Variants in PIK3C3 observed in about 807,000 individuals in gnomAD.
The protein encoded by PIK3C3 is phosphatidylinositol 3-kinase catalytic subunit type 3.
PIK3C3 carries 95 observed loss-of-function variants against 126.1 expected under a neutral mutation model. The ratio of observed to expected loss-of-function variants is 0.75; its 90% CI spans 0.64 to 0.89. The LOEUF is 0.89. Among genes scored for constraint, PIK3C3 ranks in the 40% least tolerant of loss-of-function variants. The probability of loss-of-function intolerance (pLI) is 0.00; values close to 1 mark genes in which losing one functional copy is unlikely to be tolerated. For missense variants in PIK3C3, 829 were observed against 1,063.2 expected, an observed-to-expected ratio of 0.78 and a Z score of 3.06; for synonymous variants, 374 against 360.0, an observed-to-expected ratio of 1.04 and a Z score of -0.44.
intron 4 of PIK3C3, among the ~76,000 whole-genome samples, chr18:41,971,771 AT>A (rs1291447908): frequency 1.3e-5 from 2 of 152,022 alleles, no homozygotes; most frequent in African/African-American, 4.8e-5. Flanking sequence ...AAAGAATAAT[AT>A]TTTTAAAAAA....
chr18:42,070,146 A>G (rs1456689350), intron 24 of PIK3C3, among the ~76,000 whole-genome samples: 4 of 152,200 alleles, frequency 2.6e-5, no homozygotes, highest in Non-Finnish European at 5.9e-5. Flanking sequence ...CTGCTGCTCT[A>G]CAGCATGGTG....
Position 42,035,279 on chromosome 18 carries a change from A to G in PIK3C3, c.1839+1322A>G, listed in dbSNP as rs540932837. Among the ~76,000 whole-genome samples the G allele has an allele frequency of 1.7e-3, 258 of 152,330 alleles. 3 individuals are homozygous for G. Among genetic ancestry groups the G allele is most frequent in the African/African-American group, 5.5e-3 (229 of 41,578 alleles). On this transcript the variant is annotated intron_variant, in intron 16 of 24. Transcript: ENST00000262039. The stretch of plus-strand genomic sequence containing the variant: ...TGGGCTAGAACTCCCAAAGAAGACC[A>G]GCTTCTAATATTCTTGAACACTAAG...
intron 10 of PIK3C3, among the ~76,000 whole-genome samples, chr18:42,010,941 T>A (rs1982793785): frequency 2.6e-5 from 4 of 152,220 alleles, no homozygotes; most frequent in Admixed American, 2.0e-4. Flanking sequence ...TTAGCAGGAA[T>A]GTAAATGGCA....
chr18:42,074,168 G>T (rs1985887303), intron 24 of PIK3C3, among the ~76,000 whole-genome samples: 1 of 152,064 alleles, frequency 6.6e-6, no homozygotes, highest in South Asian at 2.1e-4. Context: ...TACAACCCTA[G>T]TCTGTTAGTC....
intron 3 of PIK3C3, among the ~76,000 whole-genome samples, chr18:41,967,830 G>A (rs1980448197): frequency 1.3e-5 from 2 of 152,174 alleles, no homozygotes; most frequent in Non-Finnish European, 2.9e-5. Context: ...CAAGGCAGTT[G>A]GTGCTGTAGT....
At position 42,087,335 on chromosome 18, in the gene PIK3C3, G is replaced by GGTTGCATCATGTATGAC. The variant is rs1986419153; in HGVS notation, c.*6202_*6218dup. On this transcript the variant is annotated 3_prime_UTR_variant, in exon 25 of 25. Transcript: ENST00000262039. ...CGGTTTGAGGAGGTGGTTTCTGATT[G>GGTTGCATCATGTATGAC]GTTGCATCATGTATGACGTTTGCAA... The GGTTGCATCATGTATGAC allele has an allele frequency of 6.6e-6, 1 of 152,170 alleles. No individual in the cohort carries two copies. The highest frequency in any genetic ancestry group is 1.5e-5 in the Non-Finnish European group (1 of 68,068). 9.4% of individuals were successfully genotyped at this position (152,170 alleles called of 1,614,324 possible). A position where few individuals can be genotyped will look rare whatever the true frequency, so the allele number is the denominator to read the frequency against.
At chr18:41,960,750 C>CTT (rs796506046) in intron 2 of PIK3C3, among the ~76,000 whole-genome samples, 7 of 145,620 alleles carry the variant, frequency 4.8e-5, no homozygotes, top group African/African-American at 1.5e-4. Context: ...TTTCTTTTTT[C>CTT]TTTTTTTTTT....
chr18:42,019,972 T>C (rs973316277), intron 12 of PIK3C3, among the ~76,000 whole-genome samples: 4 of 152,036 alleles, frequency 2.6e-5, no homozygotes, highest in South Asian at 2.1e-4. Flanking sequence ...ATATTTCTTA[T>C]ATTTGTCTCC....
chr18:42,067,581 C>T (rs1478213255), intron 24 of PIK3C3, 68 bp downstream of exon 24: 2 of 1,503,516 alleles, frequency 1.3e-6, no homozygotes, highest in African/African-American at 1.4e-5. Flanking sequence ...CCTTGGAGAG[C>T]CATGCATTTC....
chr18:42,077,165 T>C (rs1360290570), intron 24 of PIK3C3, among the ~76,000 whole-genome samples: 3 of 152,240 alleles, frequency 2.0e-5, no homozygotes, highest in South Asian at 2.1e-4. Context: ...AAAATATTGC[T>C]AAAAAATGCT....
intron 18 of PIK3C3, among the ~76,000 whole-genome samples, chr18:42,039,957 T>C (rs1984231607): frequency 6.6e-6 from 1 of 152,162 alleles, no homozygotes; most frequent in South Asian, 2.1e-4. Flanking sequence ...TCTACAGGGG[T>C]ATATAATCTC....
intron 23 of PIK3C3, among the ~76,000 whole-genome samples, chr18:42,066,796 T>A (rs1476157604): frequency 1.3e-5 from 2 of 152,068 alleles, no homozygotes; most frequent in Non-Finnish European, 2.9e-5. Context: ...ACTAAAAAAA[T>A]TATTTTATCT....
chr18:42,054,144 A>ATCTATATC (rs59790618), intron 21 of PIK3C3, among the ~76,000 whole-genome samples: 4 of 17,912 alleles, frequency 2.2e-4, no homozygotes, highest in East Asian at 2.9e-3. Context: ...ATATATATAT[A>ATCTATATC]TATATATATA....
At chr18:42,080,368 G>GCA (rs143591651) in intron 24 of PIK3C3, among the ~76,000 whole-genome samples, 3 of 151,820 alleles carry the variant, frequency 2.0e-5, no homozygotes, top group African/African-American at 7.3e-5. Flanking sequence ...ACATGCATGT[G>GCA]CACACACACA....
At chr18:42,062,573 C>G (rs993054150) in intron 22 of PIK3C3, among the ~76,000 whole-genome samples, 17 of 152,106 alleles carry the variant, frequency 1.1e-4, no homozygotes, top group African/African-American at 4.1e-4. Context: ...GTAGAACCTT[C>G]ATTATCATTA....
intron 22 of PIK3C3, among the ~76,000 whole-genome samples, chr18:42,059,562 CTG>C (rs1985223882): frequency 6.6e-6 from 1 of 152,078 alleles, no homozygotes; most frequent in African/African-American, 2.4e-5. Flanking sequence ...GGTTTATAAA[CTG>C]TCATTGGTAG....
At position 42,085,033 on chromosome 18, in the gene PIK3C3, T is replaced by C. The variant is rs1469322628; in HGVS notation, c.*3896T>C. Reference sequence around the variant, plus strand: ...TCCAACCCAACCAGGTATCTCTTGTTATATGCTAACTTCATTTTCCCTTTC... The same window carrying C: ...TCCAACCCAACCAGGTATCTCTTGTCATATGCTAACTTCATTTTCCCTTTC... On this transcript the variant is annotated 3_prime_UTR_variant, in exon 25 of 25. Transcript: ENST00000262039. 1.3e-5 allele frequency: 2 copies of C among 152,240 alleles called. No homozygotes were observed. The highest frequency in any genetic ancestry group is 2.9e-5 in the Non-Finnish European group (2 of 68,042). 9.4% of individuals were successfully genotyped at this position (152,240 alleles called of 1,614,324 possible). A position where few individuals can be genotyped will look rare whatever the true frequency, so the allele number is the denominator to read the frequency against.
At chr18:42,039,615 A>T (rs146045381) in intron 18 of PIK3C3, among the ~76,000 whole-genome samples, 3 of 152,194 alleles carry the variant, frequency 2.0e-5, no homozygotes, top group African/African-American at 7.2e-5. Context: ...AGGCCTTCAC[A>T]TACACTGTGA....
chr18:41,964,918 G>C (rs1301408272), intron 3 of PIK3C3, among the ~76,000 whole-genome samples: 1 of 152,112 alleles, frequency 6.6e-6, no homozygotes, highest in Admixed American at 6.5e-5. Flanking sequence ...TTAGTTTAAT[G>C]TGGCTATTAA....
Sources: allele counts gnomAD v4.1 joint callset (sites outside exome capture counted in the v4.1 genomes callset), GRCh38; gene constraint gnomAD v4.1.1; transcripts MANE v1.5; gene names NCBI Gene and HGNC (gene_info 2026-07-23, HGNC 2026-07-21).